DENND1A: variants seen among roughly 807,000 people sequenced by gnomAD.
DENND1A encodes DENN domain-containing protein 1A.
Under a neutral mutation model 113.7 loss-of-function variants are expected in DENND1A, and 51 were observed. The observed-to-expected ratio is 0.45, with a 90% CI of 0.36 to 0.57. The LOEUF (loss-of-function observed/expected upper bound fraction) is 0.57. DENND1A is among the 20% of genes least tolerant of loss of function. DENND1A has a pLI of 0.00. For missense variants in DENND1A, 1,258 were observed against 1,395.9 expected (o/e 0.90, Z 1.57); for synonymous variants, 565 against 570.8 (o/e 0.99, Z 0.14).
chr9:123,453,064 G>A (rs1023724282), intron 16 of DENND1A, among the ~76,000 whole-genome samples: 6 of 152,176 alleles, frequency 3.9e-5, no homozygotes, highest in Admixed American at 1.3e-4. Context: ...GGAGGGACCT[G>A]AAGTGCACAG....
At chr9:123,803,977 A>C (rs977153430) in intron 2 of DENND1A, among the ~76,000 whole-genome samples, 5 of 152,190 alleles carry the variant, frequency 3.3e-5, no homozygotes, top group African/African-American at 1.2e-4. Context: ...CTTGATCTAC[A>C]AGCACAATTT....
At chr9:123,721,924 A>G (rs1177307599) in intron 5 of DENND1A, among the ~76,000 whole-genome samples, 1 of 152,254 alleles carries the variant, frequency 6.6e-6, no homozygotes, top group African/African-American at 2.4e-5. Flanking sequence ...AAAGATACCC[A>G]AAAATGTGGA....
chr9:123,639,039 TAAA>T (rs750972974), intron 9 of DENND1A, among the ~76,000 whole-genome samples: 44 of 32,116 alleles, frequency 1.4e-3, no homozygotes, highest in African/African-American at 4.7e-3. Flanking sequence ...GCATGAGTAG[TAAA>T]AAAAAAAAAA....
At chr9:123,743,668 G>A (rs1393746252) in intron 5 of DENND1A, among the ~76,000 whole-genome samples, 1 of 151,530 alleles carries the variant, frequency 6.6e-6, no homozygotes, top group Non-Finnish European at 1.5e-5. Context: ...GAAGGCAGAG[G>A]TTGCAGTGAG....
At chr9:123,798,122 T>A (rs1834048233) in intron 2 of DENND1A, 1 of 152,178 alleles carries the variant, frequency 6.6e-6, no homozygotes, top group Admixed American at 6.5e-5. Context: ...GTCTACCATT[T>A]TCCCCCAACA....
At chr9:123,426,307 C>A (rs138260252) in intron 19 of DENND1A, among the ~76,000 whole-genome samples, 1 of 152,128 alleles carries the variant, frequency 6.6e-6, no homozygotes, top group Non-Finnish European at 1.5e-5. Flanking sequence ...ACAGACCAGT[C>A]GAGGAGAGAG....
At chr9:123,572,558 AC>A (rs1307790083) in intron 12 of DENND1A, among the ~76,000 whole-genome samples, 2 of 152,126 alleles carry the variant, frequency 1.3e-5, no homozygotes, top group Admixed American at 1.3e-4. Context: ...ATTAATTTGT[AC>A]CCTCATGACT....
intron 5 of DENND1A, among the ~76,000 whole-genome samples, chr9:123,727,012 C>T (rs2067756089): frequency 6.6e-6 from 1 of 152,324 alleles, no homozygotes; most frequent in African/African-American, 2.4e-5. Flanking sequence ...TCAGGTGACT[C>T]TGAAGCTCAG....
chr9:123,579,008 C>G (rs181878962), intron 12 of DENND1A, among the ~76,000 whole-genome samples: 1 of 152,168 alleles, frequency 6.6e-6, no homozygotes, highest in Admixed American at 6.5e-5. Flanking sequence ...TTGGGACAAC[C>G]ATTAACAGTT....
chr9:123,558,128 T>C (rs2057532413), intron 12 of DENND1A, among the ~76,000 whole-genome samples: 1 of 152,222 alleles, frequency 6.6e-6, no homozygotes, highest in Admixed American at 6.5e-5. Flanking sequence ...TTTGCATACA[T>C]TTTACAATTT....
intron 5 of DENND1A, among the ~76,000 whole-genome samples, chr9:123,719,686 G>C (rs558791039): frequency 6.6e-6 from 1 of 151,958 alleles, no homozygotes; most frequent in East Asian, 1.9e-4. Context: ...AGATAATCCT[G>C]AGGATGGGAC....
intron 2 of DENND1A, among the ~76,000 whole-genome samples, chr9:123,807,306 T>C (rs558526015): frequency 6.6e-6 from 1 of 152,344 alleles, no homozygotes; most frequent in South Asian, 2.1e-4. Flanking sequence ...AAATTAGATT[T>C]ACATTACAAC....
rs910623920 is a variant in DENND1A, at chr9:123,651,924, C to T, written c.618+89G>A. ...CATATAAGGGGACTGTAGCTGACTC[C>T]TTTTTCTAAAATTTTCTTTCATCTT... On this transcript the variant is annotated intron_variant, in intron 9 of 23. Coordinates refer to ENST00000394215, the MANE Select transcript of DENND1A (RefSeq NM_001352964.2). 4.6e-5 allele frequency: 56 copies of T among 1,214,228 alleles called. No homozygotes were observed. In the African/African-American group the frequency reaches 8.4e-4, roughly 18 times the overall value. 75.2% of individuals were successfully genotyped at this position (1,214,228 alleles called of 1,614,324 possible). A position where few individuals can be genotyped will look rare whatever the true frequency, so the allele number is the denominator to read the frequency against.
At chr9:123,838,622 A>G (rs945296609) in intron 2 of DENND1A, among the ~76,000 whole-genome samples, 6 of 152,214 alleles carry the variant, frequency 3.9e-5, no homozygotes, top group African/African-American at 1.4e-4. Context: ...AAATGTCCTT[A>G]AATTGCATTA....
At chr9:123,603,056 C>G (rs1236634032) in intron 11 of DENND1A, among the ~76,000 whole-genome samples, 1 of 152,180 alleles carries the variant, frequency 6.6e-6, no homozygotes, top group Non-Finnish European at 1.5e-5. Context: ...CAAATGTGAA[C>G]TACATCTTAC....
chr9:123,414,651 AC>A, intron 19 of DENND1A: 1 of 1,535,118 alleles, frequency 6.5e-7, no homozygotes, highest in South Asian at 1.2e-5. Context: ...CCAGGCAAAA[AC>A]CTATTAACTC....
At chr9:123,581,147 T>C (rs1339422671) in intron 12 of DENND1A, among the ~76,000 whole-genome samples, 2 of 151,928 alleles carry the variant, frequency 1.3e-5, no homozygotes, top group Non-Finnish European at 2.9e-5. Flanking sequence ...TCTCTCTAGC[T>C]CTGTGGGTCA....
At chr9:123,570,298 T>C (rs1267347424) in intron 12 of DENND1A, among the ~76,000 whole-genome samples, 1 of 152,130 alleles carries the variant, frequency 6.6e-6, no homozygotes, top group African/African-American at 2.4e-5. Flanking sequence ...GAGTCTCCTG[T>C]GTATGGAAGC....
At chr9:123,622,783 A>G (rs1406692711) in intron 10 of DENND1A, among the ~76,000 whole-genome samples, 1 of 152,228 alleles carries the variant, frequency 6.6e-6, no homozygotes, top group Non-Finnish European at 1.5e-5. Context: ...TAATGTTTAT[A>G]AAGAGCTTGT....
Sources: allele counts gnomAD v4.1 joint callset (sites outside exome capture counted in the v4.1 genomes callset), GRCh38; gene constraint gnomAD v4.1.1; transcripts MANE v1.5; gene names NCBI Gene and HGNC (gene_info 2026-07-23, HGNC 2026-07-21).